Variants in ATAD2B observed in about 807,000 individuals in gnomAD.
ATAD2B encodes the protein ATPase family AAA domain-containing protein 2B.
ATAD2B carries 40 observed loss-of-function variants against 167.6 expected under a neutral mutation model. The observed-to-expected ratio is 0.24, with a 90% CI of 0.19 to 0.31. The LOEUF (loss-of-function observed/expected upper bound fraction) is 0.31. Ranked by LOEUF, ATAD2B falls within the 10% of genes least tolerant of loss-of-function variation. The pLI, the probability that ATAD2B is intolerant of heterozygous loss-of-function variation, is 1.00. For missense variants in ATAD2B, 1,242 were observed against 1,757.2 expected (o/e 0.71, Z 5.24); for synonymous variants, 579 against 596.5 (o/e 0.97, Z 0.43).
intron 22 of ATAD2B, among the ~76,000 whole-genome samples, chr2:23,770,456 T>C (rs1290544291): frequency 6.6e-6 from 1 of 152,274 alleles, no homozygotes; most frequent in Non-Finnish European, 1.5e-5. Context: ...TGGGTTATTA[T>C]TAAATTCTGA....
intron 1 of ATAD2B, among the ~76,000 whole-genome samples, chr2:23,904,889 A>G (rs1701293544): frequency 6.6e-6 from 1 of 152,194 alleles, no homozygotes. Context: ...ACTGCAAAAA[A>G]CAAAACTCTG....
At chr2:23,808,118 T>TAATTATATATATAAGTAATTATATATAA (rs1684905197) in intron 18 of ATAD2B, among the ~76,000 whole-genome samples, 1 of 118,428 alleles carries the variant, frequency 8.4e-6, no homozygotes, top group Non-Finnish European at 1.7e-5. Flanking sequence ...ATTATATATA[T>TAATTATATATATAAGTAATTATATATAA]AATTATTATA....
intron 10 of ATAD2B, among the ~76,000 whole-genome samples, chr2:23,866,429 A>T (rs942956812): frequency 1.3e-5 from 2 of 152,178 alleles, no homozygotes; most frequent in Non-Finnish European, 2.9e-5. Flanking sequence ...AGAGAAAAAG[A>T]ATTTAGTCTA....
rs1429849232 is a variant in ATAD2B at position 23,757,737 on chromosome 2, C to G, written c.3759G>C (p.Pro1253=). ...LLVNSSSSLN[P]EQTSRKETFL... ...AAGTCTCTTTCCTGGAGGTCTGCTC[C>G]GGGTTTAAGGAACTGCTGCTGTTGA... is the stretch of plus-strand genomic sequence containing the variant. The change falls in exon 25 of 28, where the codon CCG becomes CCC. Residue 1253 remains proline, a synonymous_variant. Transcript: ENST00000238789. 1 of 1,607,372 alleles carries G rather than the reference C, an allele frequency of 6.2e-7. No individual in the cohort carries two copies. Among genetic ancestry groups the G allele is most frequent in the Admixed American group, 1.7e-5 (1 of 58,440 alleles).
intron 13 of ATAD2B, among the ~76,000 whole-genome samples, chr2:23,835,736 GA>G (rs1572967467): frequency 6.6e-6 from 1 of 152,146 alleles, no homozygotes; most frequent in East Asian, 1.9e-4. Flanking sequence ...AGGAATTCGA[GA>G]CCAGCCTGGC....
intron 25 of ATAD2B, among the ~76,000 whole-genome samples, chr2:23,755,553 G>A (rs117773820): frequency 9.9e-5 from 15 of 152,210 alleles, no homozygotes; most frequent in East Asian, 3.9e-4. Context: ...ATGAGTGAGG[G>A]GAAGGAACAC....
chr2:23,914,797 C>T (rs993828872), intron 1 of ATAD2B, among the ~76,000 whole-genome samples: 157 of 151,050 alleles, frequency 1.0e-3, no homozygotes, highest in African/African-American at 3.6e-3. Context: ...GAGCCAAGAT[C>T]GCGCCACTGC....
intron 1 of ATAD2B, among the ~76,000 whole-genome samples, chr2:23,919,155 C>A (rs1388666572): frequency 6.7e-6 from 1 of 150,134 alleles, no homozygotes; most frequent in Non-Finnish European, 1.5e-5. Context: ...CTAGCCTGGC[C>A]AACATAAAAA....
rs1368042011 is a variant in ATAD2B, at chr2:23,808,885, T to C, written c.2454+1431A>G. The C allele has an allele frequency of 3.9e-5, 6 of 152,168 alleles. No homozygotes were observed. In the South Asian group the frequency reaches 1.2e-3, roughly 31 times the overall value. The allele number at this position is 152,168 out of a possible 1,614,324, so 9.4% of individuals were successfully genotyped here. A position where few individuals can be genotyped will look rare whatever the true frequency, so the allele number is the denominator to read the frequency against. ...TTGTATTTCCCTGAAAGATGTGATA[T>C]TGTTGATTTTGCCAATTTCACAGCT... is the stretch of plus-strand genomic sequence containing the variant. On this transcript the variant is annotated intron_variant, in intron 18 of 27. Coordinates refer to ENST00000238789, the MANE Select transcript of ATAD2B (RefSeq NM_017552.4).
intron 13 of ATAD2B, among the ~76,000 whole-genome samples, chr2:23,841,098 A>ATTTTT (rs572061183): frequency 1.4e-4 from 16 of 117,176 alleles, no homozygotes; most frequent in East Asian, 4.7e-4. Context: ...ATGCATGGCT[A>ATTTTT]TTTTTTTTTT....
At chr2:23,696,616 C>T in the ATAD2B span, 2 of 938,988 alleles carry the variant, frequency 2.1e-6, no homozygotes, top group Non-Finnish European at 3.2e-6. This position sits in a 1 kb window ranked among gnomAD's most constrained non-coding sequence, Gnocchi z 5.5. Flanking sequence ...GGCGATGGAG[C>T]AGAGCCTGGA....
At chr2:23,801,476 G>A (rs1019485355) in intron 18 of ATAD2B, among the ~76,000 whole-genome samples, 48 of 151,656 alleles carry the variant, frequency 3.2e-4, no homozygotes, top group African/African-American at 1.1e-3. Context: ...GGATGTGCAA[G>A]GTGTAGTAGA....
chr2:23,737,413 C>T, the ATAD2B span, among the ~76,000 whole-genome samples: 6 of 152,192 alleles, frequency 3.9e-5, no homozygotes, highest in Non-Finnish European at 8.8e-5. Context: ...CTGCAGCCAC[C>T]GCTGCTGACA....
At chr2:23,899,516 T>C (rs188743977) in intron 1 of ATAD2B, among the ~76,000 whole-genome samples, 7 of 152,312 alleles carry the variant, frequency 4.6e-5, no homozygotes, top group Non-Finnish European at 1.0e-4. Flanking sequence ...TAAGATATAC[T>C]TCAATCTTAT....
the ATAD2B span, among the ~76,000 whole-genome samples, chr2:23,705,074 C>G: frequency 9.9e-5 from 15 of 152,248 alleles, no homozygotes; most frequent in Non-Finnish European, 1.9e-4. Context: ...GCCATACTTC[C>G]ATGTCATGTA....
intron 1 of ATAD2B, among the ~76,000 whole-genome samples, chr2:23,902,850 T>C (rs1048271482): frequency 6.6e-6 from 1 of 152,150 alleles, no homozygotes; most frequent in East Asian, 1.9e-4. Context: ...AGGATCCTTG[T>C]GGCCAGGAGT....
At chr2:23,682,598 G>A in the ATAD2B span, among the ~76,000 whole-genome samples, 1 of 152,020 alleles carries the variant, frequency 6.6e-6, no homozygotes, top group African/African-American at 2.4e-5. The surrounding 1 kb of genome is among the most constrained non-coding windows in gnomAD (Gnocchi z 4.1). Flanking sequence ...ATCTGGCCCC[G>A]CCCACCGCCT....
chr2:23,775,218 T>A (rs1036275262), intron 22 of ATAD2B, among the ~76,000 whole-genome samples: 1 of 141,562 alleles, frequency 7.1e-6, no homozygotes, highest in Non-Finnish European at 1.5e-5. Flanking sequence ...TTTTTTTATG[T>A]TTTATTTTTT....
At chr2:23,878,025 A>AAAAAAG (rs1558714048) in intron 7 of ATAD2B, among the ~76,000 whole-genome samples, 45 of 106,954 alleles carry the variant, frequency 4.2e-4, no homozygotes, top group East Asian at 1.1e-3. Flanking sequence ...AAAAAAAAAA[A>AAAAAAG]AAAAAAAAAA....
Sources: allele counts gnomAD v4.1 joint callset (sites outside exome capture counted in the v4.1 genomes callset), GRCh38; gene constraint gnomAD v4.1.1; non-coding constraint Gnocchi (gnomAD v3.1); transcripts MANE v1.5; gene names NCBI Gene and HGNC (gene_info 2026-07-23, HGNC 2026-07-21).